NFIB: variants seen among roughly 807,000 people sequenced by gnomAD.
NFIB encodes nuclear factor 1 B-type.
NFIB carries 11 observed loss-of-function variants against 61.5 expected under a neutral mutation model. The ratio of observed to expected loss-of-function variants is 0.18; its 90% CI spans 0.11 to 0.30. The LOEUF (loss-of-function observed/expected upper bound fraction) is 0.30, where lower values mean the gene tolerates loss of function less well. NFIB is among the 10% of genes least tolerant of loss of function. The pLI, the probability that NFIB is intolerant of heterozygous loss-of-function variation, is 1.00. For synonymous variants in NFIB, 260 were observed against 216.5 expected (o/e 1.20, Z -1.76); for missense variants, 471 against 608.9 (o/e 0.77, Z 2.38).
chr9:14,102,795 G>C (rs192895538), intron 10 of NFIB, among the ~76,000 whole-genome samples: 3 of 152,248 alleles, frequency 2.0e-5, no homozygotes, highest in Admixed American at 2.0e-4. Context: ...AGCACAAATT[G>C]AGCTGGAATG....
At position 14,175,416 on chromosome 9, in the gene NFIB, C is replaced by G. The variant is rs577776093; in HGVS notation, c.616+4311G>C. On this transcript the variant is annotated intron_variant, in intron 3 of 10. Coordinates refer to ENST00000380953, the MANE Select transcript of NFIB (RefSeq NM_001190737.2). Reference sequence around the variant, plus strand: ...GTCTCGATCTCCTGACCTCGTGATCCACTCGCCTCGGCCTCCCAAAGTGCT... The same window carrying G: ...GTCTCGATCTCCTGACCTCGTGATCGACTCGCCTCGGCCTCCCAAAGTGCT... Among the ~76,000 whole-genome samples, 4 of 152,094 alleles carry G rather than the reference C, an allele frequency of 2.6e-5. No individual in the cohort carries two copies. In the South Asian group the frequency reaches 8.3e-4, roughly 32 times the overall value.
the NFIB span, among the ~76,000 whole-genome samples, chr9:14,455,346 A>C: frequency 6.6e-6 from 1 of 152,198 alleles, no homozygotes; most frequent in East Asian, 1.9e-4. Flanking sequence ...GTCATGCATT[A>C]TTTACTATTA....
chr9:14,481,962 G>A, the NFIB span, among the ~76,000 whole-genome samples: 20 of 151,966 alleles, frequency 1.3e-4, no homozygotes, highest in Admixed American at 3.9e-4. Flanking sequence ...GTTATTGGCC[G>A]GACTAAATGA....
chr9:14,302,883 C>T (rs1029062234), intron 2 of NFIB, among the ~76,000 whole-genome samples: 30 of 152,258 alleles, frequency 2.0e-4, no homozygotes, highest in African/African-American at 6.7e-4. Context: ...TATTAATTAA[C>T]GAGATAACGG....
chr9:14,443,237 C>T, the NFIB span, among the ~76,000 whole-genome samples: 71 of 152,160 alleles, frequency 4.7e-4, no homozygotes, highest in African/African-American at 1.5e-3. Flanking sequence ...TCTCCGTTCT[C>T]CTTCTTGGCA....
intron 6 of NFIB, among the ~76,000 whole-genome samples, chr9:14,128,865 G>T (rs1041854710): frequency 4.0e-5 from 6 of 151,874 alleles, no homozygotes; most frequent in Admixed American, 3.3e-4. Flanking sequence ...TTTTGTAAAG[G>T]GCACATAAAT....
intron 10 of NFIB, among the ~76,000 whole-genome samples, chr9:14,102,076 T>G (rs1372618283): frequency 1.3e-5 from 2 of 152,196 alleles, no homozygotes; most frequent in Non-Finnish European, 2.9e-5. Context: ...TGCTTTATCC[T>G]CAGGTAGCTG....
the NFIB span, among the ~76,000 whole-genome samples, chr9:14,417,340 T>C: frequency 6.6e-6 from 1 of 152,240 alleles, no homozygotes; most frequent in Non-Finnish European, 1.5e-5. Flanking sequence ...CAACAGGCTA[T>C]ACCACAGAGC....
intron 2 of NFIB, among the ~76,000 whole-genome samples, chr9:14,192,893 TG>T (rs1434520054): frequency 1.1e-4 from 17 of 152,252 alleles, no homozygotes; most frequent in African/African-American, 4.1e-4. Context: ...CAGATACATT[TG>T]TTTTTTTGAA....
intron 3 of NFIB, among the ~76,000 whole-genome samples, chr9:14,159,723 T>C (rs969635030): frequency 1.3e-5 from 2 of 152,152 alleles, no homozygotes; most frequent in African/African-American, 4.8e-5. Flanking sequence ...CAGAAGACAA[T>C]ACTTGAGGGC....
rs989499098 is a variant in NFIB at position 14,270,881 on chromosome 9, T to A, written c.562+36108A>T. On this transcript the variant is annotated intron_variant, in intron 2 of 10. Transcript: ENST00000380953. ...TCAGGGCAGTCATGTCCATTACATATGTGGATAGGTATGAAGCTGAGTCTC... is the reference window on the plus strand; with the variant it reads ...TCAGGGCAGTCATGTCCATTACATAAGTGGATAGGTATGAAGCTGAGTCTC... Among the ~76,000 whole-genome samples, 18 of 152,280 alleles carry A rather than the reference T, an allele frequency of 1.2e-4. No homozygotes were observed. In the South Asian group the frequency reaches 3.5e-3, roughly 30 times the overall value.
intron 2 of NFIB, among the ~76,000 whole-genome samples, chr9:14,279,883 T>A (rs188421229): frequency 2.5e-3 from 383 of 152,310 alleles, no homozygotes; most frequent in African/African-American, 8.8e-3. Context: ...ATATTTCTCA[T>A]CTAAAACAAT....
chr9:14,268,263 G>A (rs1720960057), intron 2 of NFIB, among the ~76,000 whole-genome samples: 1 of 151,970 alleles, frequency 6.6e-6, no homozygotes, highest in Admixed American at 6.6e-5. Flanking sequence ...CCTCCACTTT[G>A]CTGTCAGAAT....
chr9:14,500,734 C>T, the NFIB span, among the ~76,000 whole-genome samples: 74 of 152,298 alleles, frequency 4.9e-4, no homozygotes, highest in African/African-American at 1.7e-3. Flanking sequence ...TAGAGTCCTA[C>T]ATTTTTTCTC....
intron 1 of NFIB, among the ~76,000 whole-genome samples, chr9:14,355,349 A>T (rs1161398706): frequency 6.6e-6 from 1 of 152,186 alleles, no homozygotes; most frequent in Non-Finnish European, 1.5e-5. Flanking sequence ...GCCTCGGAAG[A>T]AACCAACCCT....
At chr9:14,414,776 C>A in the NFIB span, among the ~76,000 whole-genome samples, 9 of 152,066 alleles carry the variant, frequency 5.9e-5, no homozygotes, top group African/African-American at 1.9e-4. Context: ...ATATCTTAAG[C>A]ATGGTCCAAA....
chr9:14,171,297 T>C (rs2045539211), intron 3 of NFIB, among the ~76,000 whole-genome samples: 1 of 152,218 alleles, frequency 6.6e-6, no homozygotes, highest in Non-Finnish European at 1.5e-5. Flanking sequence ...TTTCCTCGGC[T>C]AGGACTATAT....
At chr9:14,399,758 G>C (rs146749047), upstream of NFIB, among the ~76,000 whole-genome samples, 406 of 152,228 alleles carry the variant, frequency 2.7e-3, 2 homozygotes, top group African/African-American at 9.2e-3. Context: ...TATTCAGTGA[G>C]AGTTGTTTAA....
intron 1 of NFIB, among the ~76,000 whole-genome samples, chr9:14,337,145 G>A (rs1299291056): frequency 6.6e-6 from 1 of 152,108 alleles, no homozygotes; most frequent in East Asian, 1.9e-4. Flanking sequence ...TAGTTTTCTG[G>A]CTGCTACCCT....
Sources: allele counts gnomAD v4.1 joint callset (sites outside exome capture counted in the v4.1 genomes callset), GRCh38; gene constraint gnomAD v4.1.1; transcripts MANE v1.5; gene names NCBI Gene and HGNC (gene_info 2026-07-23, HGNC 2026-07-21).